Variants in LRRC4C observed in about 807,000 individuals in gnomAD.
LRRC4C encodes leucine-rich repeat-containing protein 4C.
A neutral mutation model predicts 33.6 loss-of-function variants in LRRC4C; 5 were observed. The ratio of observed to expected loss-of-function variants is 0.15; its 90% CI spans 0.08 to 0.31. LRRC4C has a LOEUF of 0.31. Among genes scored for constraint, LRRC4C ranks in the 10% least tolerant of loss-of-function variants. LRRC4C has a pLI of 1.00. For missense variants in LRRC4C, 560 were observed against 796.7 expected (o/e 0.70, Z 3.58); for synonymous variants, 329 against 302.0 (o/e 1.09, Z -0.93).
At chr11:40,528,444 A>G (rs974956786) in intron 3 of LRRC4C, among the ~76,000 whole-genome samples, 3 of 152,140 alleles carry the variant, frequency 2.0e-5, no homozygotes, top group Admixed American at 6.6e-5. Context: ...AGCTGCAATG[A>G]GATATTAGCT....
chr11:40,740,774 C>G (rs574330069), intron 2 of LRRC4C, among the ~76,000 whole-genome samples: 8 of 152,136 alleles, frequency 5.3e-5, no homozygotes, highest in African/African-American at 1.7e-4. Context: ...CAAGTCACAG[C>G]TTAAGCTTCT....
At position 40,362,029 on chromosome 11, in the gene LRRC4C, A is replaced by G. The variant is rs1590446053; in HGVS notation, c.-269-42308T>C. ...CAATGGGGAAAGGATTCCCTATTCA[A>G]TAAATGGTGCTGAGATAACTGGCTA... On this transcript the variant is annotated intron_variant, in intron 3 of 6. Coordinates refer to ENST00000528697, the MANE Select transcript of LRRC4C (RefSeq NM_001258419.2). Among the ~76,000 whole-genome samples, 4 of 152,322 alleles carry G rather than the reference A, an allele frequency of 2.6e-5. No homozygotes were observed. In the South Asian group the frequency reaches 8.3e-4, roughly 32 times the overall value.
intron 1 of LRRC4C, among the ~76,000 whole-genome samples, chr11:41,343,331 C>G (rs1308253237): frequency 1.3e-5 from 2 of 151,940 alleles, no homozygotes; most frequent in Non-Finnish European, 2.9e-5. Flanking sequence ...TCAACTGATT[C>G]TTATTGGAAG....
At chr11:40,952,972 T>A (rs963545271) in intron 1 of LRRC4C, among the ~76,000 whole-genome samples, 1 of 151,686 alleles carries the variant, frequency 6.6e-6, no homozygotes, top group African/African-American at 2.4e-5. Context: ...TTGGCCCCTG[T>A]ATGGTTGTAA....
At chr11:41,451,513 T>C (rs1031833363) in intron 1 of LRRC4C, among the ~76,000 whole-genome samples, 2 of 151,996 alleles carry the variant, frequency 1.3e-5, no homozygotes, top group Non-Finnish European at 2.9e-5. Flanking sequence ...CTTATAGTGA[T>C]GGAAGAGATG....
intron 4 of LRRC4C, among the ~76,000 whole-genome samples, chr11:40,312,440 A>G (rs1341413045): frequency 6.6e-6 from 1 of 152,214 alleles, no homozygotes; most frequent in African/African-American, 2.4e-5. Context: ...AAAGGAGCTT[A>G]GTTCCAGCCA....
Position 41,039,883 on chromosome 11 carries a change from T to C in LRRC4C, c.-495-106160A>G, listed in dbSNP as rs544383816. Among the ~76,000 whole-genome samples, 4 of 152,202 alleles carry C rather than the reference T, an allele frequency of 2.6e-5. No homozygotes were observed. The East Asian group carries it at 7.8e-4, about 30-fold the overall frequency. On this transcript the variant is annotated intron_variant, in intron 1 of 6. Transcript: ENST00000528697. ...GAGGCTGAGCGCGGTGGCTCACGCC[T>C]GTAATCTCAGCACTTTGGGAGGCCG...
chr11:40,773,476 C>T (rs915014940), intron 2 of LRRC4C, among the ~76,000 whole-genome samples: 11 of 150,898 alleles, frequency 7.3e-5, no homozygotes, highest in African/African-American at 2.7e-4. Flanking sequence ...ACCCCAGAAA[C>T]ATATACACCT....
At chr11:41,347,891 T>A (rs1024847843) in intron 1 of LRRC4C, among the ~76,000 whole-genome samples, 11 of 152,204 alleles carry the variant, frequency 7.2e-5, no homozygotes, top group African/African-American at 2.7e-4. Context: ...CCACCGGTAC[T>A]AATTATTTAC....
At chr11:40,770,907 CT>C (rs1433321747) in intron 2 of LRRC4C, among the ~76,000 whole-genome samples, 2 of 152,162 alleles carry the variant, frequency 1.3e-5, no homozygotes, top group Non-Finnish European at 1.5e-5. Context: ...ACAACCCCCC[CT>C]CCCAGCTGTT....
chr11:40,221,705 T>C (rs749950797), intron 5 of LRRC4C, among the ~76,000 whole-genome samples: 44 of 152,106 alleles, frequency 2.9e-4, no homozygotes, highest in Admixed American at 1.4e-3. Flanking sequence ...CCTGACCTAA[T>C]CGGTTATGCT....
intron 1 of LRRC4C, among the ~76,000 whole-genome samples, chr11:41,194,775 C>T (rs990325790): frequency 1.4e-4 from 22 of 152,076 alleles, no homozygotes; most frequent in Admixed American, 6.6e-5. Context: ...TTGTGTGGCA[C>T]TCCTAACCCA....
intron 1 of LRRC4C, among the ~76,000 whole-genome samples, chr11:41,044,819 G>A (rs1390614953): frequency 1.3e-5 from 2 of 152,072 alleles, no homozygotes; most frequent in Non-Finnish European, 2.9e-5. Context: ...ATTTAGTATT[G>A]TTGAAAGTAC....
At chr11:40,303,216 A>C (rs1037278238) in intron 4 of LRRC4C, among the ~76,000 whole-genome samples, 1 of 152,150 alleles carries the variant, frequency 6.6e-6, no homozygotes, top group African/African-American at 2.4e-5. Context: ...CAAAGGCAGA[A>C]GATCTGGAGT....
chr11:40,884,547 A>G (rs1446302649), intron 2 of LRRC4C, among the ~76,000 whole-genome samples: 3 of 152,026 alleles, frequency 2.0e-5, no homozygotes, highest in Middle Eastern at 3.2e-3. Flanking sequence ...AAAAGCATTG[A>G]TGCAGAGAAA....
At chr11:40,734,993 C>T (rs1189689002) in intron 2 of LRRC4C, among the ~76,000 whole-genome samples, 1 of 152,072 alleles carries the variant, frequency 6.6e-6, no homozygotes, top group South Asian at 2.1e-4. Context: ...CTCTCTCTCT[C>T]TTCTGCAGCT....
chr11:40,910,704 A>G (rs1956634236), intron 2 of LRRC4C, among the ~76,000 whole-genome samples: 1 of 152,138 alleles, frequency 6.6e-6, no homozygotes, highest in Non-Finnish European at 1.5e-5. Flanking sequence ...TGGGTGCAGG[A>G]CAGTGGGTGC....
chr11:41,344,144 C>A (rs1305015199), intron 1 of LRRC4C, among the ~76,000 whole-genome samples: 1 of 152,066 alleles, frequency 6.6e-6, no homozygotes, highest in African/African-American at 2.4e-5. Context: ...GAGAGAACAT[C>A]CCCATTCCCC....
chr11:40,973,534 G>T (rs1851879922), intron 1 of LRRC4C, among the ~76,000 whole-genome samples: 4 of 152,148 alleles, frequency 2.6e-5, no homozygotes. Flanking sequence ...GAAGAGAATA[G>T]ATGTGGAGAG....
Sources: gnomAD v4.1 joint callset for allele counts (sites outside exome capture counted in the v4.1 genomes callset) on GRCh38, gnomAD v4.1.1 for gene constraint, MANE v1.5 for transcripts, NCBI Gene and HGNC (gene_info 2026-07-23, HGNC 2026-07-21) for gene names.